TKTL1: variants seen among roughly 807,000 people sequenced by gnomAD.
TKTL1 encodes the protein transketolase-like protein 1.
Under a neutral mutation model 39.3 loss-of-function variants are expected in TKTL1, and 1 was observed. That is an observed-to-expected ratio of 0.03 (90% CI 0.01 to 0.12). The LOEUF (loss-of-function observed/expected upper bound fraction) is 0.12. Among genes scored for constraint, TKTL1 ranks in the 10% least tolerant of loss-of-function variants. The probability of loss-of-function intolerance (pLI) is 1.00; values close to 1 mark genes in which losing one functional copy is unlikely to be tolerated. For synonymous variants in TKTL1, 262 were observed against 193.8 expected (o/e 1.35, Z -2.92); for missense variants, 575 against 509.6 (o/e 1.13, Z -1.24).
At chrX:154,312,431 T>C in intron 5 of TKTL1, 149 bp from the exon 6 acceptor site, 1 of 520,540 alleles carries the variant, frequency 1.9e-6, no homozygotes, top group East Asian at 3.7e-5. Context: ...TCTCTCTGGC[T>C]GCAGCAGCGT....
rs2067504911 is a variant in TKTL1, at chrX:154,327,861, C to T, written c.1521C>T (p.Asp507=). ...CAGATATTTTTATCCGTGTCATCGA[C>T]CTGTTTACCATTAAACCTCTGGATG... The part of the protein sequence containing the change: ...SKQDIFIRVI[D]LFTIKPLDVA... Residue 507 remains aspartate (D), a synonymous_variant, in exon 12 of 13, where the codon GAC becomes GAT. Coordinates refer to ENST00000369915, the MANE Select transcript of TKTL1 (RefSeq NM_012253.4). The T allele has an allele frequency of 8.3e-7, 1 of 1,211,875 alleles. No homozygotes were observed. The highest frequency in any genetic ancestry group is 1.8e-5 in the South Asian group (1 of 56,992).
intron 1 of TKTL1, among the ~76,000 whole-genome samples, chrX:154,297,908 A>G (rs1557165011): frequency 8.9e-6 from 1 of 112,048 alleles, no homozygotes; most frequent in African/African-American, 3.2e-5. Context: ...TGTAGAGAAA[A>G]AAAAATTTTT....
chrX:154,300,274 A>G (rs1297564354), intron 1 of TKTL1, among the ~76,000 whole-genome samples: 1 of 112,337 alleles, frequency 8.9e-6, no homozygotes, highest in South Asian at 3.6e-4. Context: ...TGGCCTCCCA[A>G]AGTGCTGGGA....
At chrX:154,310,087 CT>C (rs782396662) in intron 3 of TKTL1, among the ~76,000 whole-genome samples, 28 of 111,755 alleles carry the variant, frequency 2.5e-4, no homozygotes, top group Admixed American at 1.7e-3. Flanking sequence ...GAGGAATTTA[CT>C]TCACAGCAGA....
chrX:154,327,527 T>G (rs1557172214), intron 10 of TKTL1, 64 bp from the exon 11 acceptor site: 1 of 1,000,523 alleles, frequency 1.0e-6, no homozygotes, highest in Non-Finnish European at 1.4e-6. Flanking sequence ...CAAAGTGCCT[T>G]CCACTTTGAC....
At chrX:154,302,130 A>G (rs782413987) in intron 1 of TKTL1, among the ~76,000 whole-genome samples, 9 of 110,375 alleles carry the variant, frequency 8.2e-5, no homozygotes, top group Non-Finnish European at 1.5e-4. Context: ...TCGGGTTCTC[A>G]ATCGCCCTGT....
chrX:154,322,520 G>C (rs1348013692), intron 8 of TKTL1, among the ~76,000 whole-genome samples: 1 of 111,240 alleles, frequency 9.0e-6, no homozygotes, highest in Non-Finnish European at 1.9e-5. Context: ...AACAGAGCGA[G>C]ACTCTGTCTC....
intron 11 of TKTL1, 54 bp from the exon 12 acceptor site, chrX:154,327,785 G>A: frequency 8.3e-7 from 1 of 1,207,968 alleles, no homozygotes; most frequent in Non-Finnish European, 1.1e-6. Context: ...TTTTATCCCT[G>A]CATGTTATTC....
In TKTL1 at chrX:154,320,857, G is replaced by C. The variant is rs201125069; in HGVS notation, c.1130G>C (p.Gly377Ala). The C allele has an allele frequency of 6.6e-6, 8 of 1,211,464 alleles. No individual in the cohort carries two copies. The highest frequency in any genetic ancestry group is 6.7e-6 in the Non-Finnish European group (6 of 895,258). The change falls in exon 8 of 13, where the codon GGA (glycine) becomes GCA (alanine). Residue 377 changes from glycine to alanine, a missense_variant. Gly to Ala is a moderately conservative substitution (Grantham distance 60). Coordinates refer to ENST00000369915, the MANE Select transcript of TKTL1 (RefSeq NM_012253.4). ...LTRAFDHIRIGGLAESNINII... is the reference protein window; with the variant it reads ...LTRAFDHIRIAGLAESNINII... The stretch of plus-strand genomic sequence containing the variant: ...CGAGCATTTGATCACATCCGGATAG[G>C]AGGCCTCGCTGAGAGCAACATCAAC...
At chrX:154,318,741 G>C (rs1285717655) in intron 7 of TKTL1, among the ~76,000 whole-genome samples, 1 of 102,057 alleles carries the variant, frequency 9.8e-6, no homozygotes, top group African/African-American at 3.6e-5. Flanking sequence ...TTCAAGACCA[G>C]CCTGAACAAC....
intron 6 of TKTL1, among the ~76,000 whole-genome samples, chrX:154,313,228 A>C (rs1256024319): frequency 8.9e-6 from 1 of 112,453 alleles, no homozygotes; most frequent in Non-Finnish European, 1.9e-5. Context: ...TGGTTTGTGC[A>C]TGAAACTGCC....
chrX:154,329,508 T>C lies in TKTL1; in HGVS notation c.1619-8T>C, dbSNP rs782122793. 28 of 1,208,581 alleles carry C rather than the reference T, an allele frequency of 2.3e-5. No homozygotes were observed. In the South Asian group the frequency reaches 4.2e-4, roughly 18 times the overall value. On this transcript the variant is annotated splice_polypyrimidine_tract_variant and splice_region_variant and intron_variant, in intron 12 of 12. Coordinates refer to ENST00000369915, the MANE Select transcript of TKTL1 (RefSeq NM_012253.4). ...TCACAAAAGGGCCTAACATCCTTGT[T>C]TCCCCAGGTGGCATCGGGGAAGCTG... is the stretch of plus-strand genomic sequence containing the variant.
At chrX:154,305,550 T>G in intron 2 of TKTL1, 129 bp downstream of exon 2, 1 of 862,369 alleles carries the variant, frequency 1.2e-6, no homozygotes, top group Non-Finnish European at 1.6e-6. Context: ...CTTTGCATCT[T>G]AAAGCTCGAG....
intron 1 of TKTL1, 63 bp downstream of exon 1, chrX:154,296,056 G>T: frequency 8.6e-7 from 1 of 1,164,350 alleles, no homozygotes; most frequent in Non-Finnish European, 1.2e-6. Flanking sequence ...TTCAGGCCTG[G>T]TGGCCATGAG....
At position 154,315,257 on chromosome X, in the gene TKTL1, A is replaced by C. The variant is rs2067389541; in HGVS notation, c.949A>C (p.Arg317=). ...NRVVVLDGDT[R]YSTFSEIFNK... ...AGTCGTTGTGCTGGATGGTGACACC[A>C]GGTACTCTACTTTCTCTGAGATATT... The change falls in exon 7 of 13, where the codon AGG becomes CGG. Residue 317 remains arginine, a synonymous_variant. Transcript: ENST00000369915. 8.3e-7 allele frequency: 1 copy of C among 1,209,128 alleles called. No homozygotes were observed. The highest frequency in any genetic ancestry group is 2.2e-5 in the Admixed American group (1 of 45,645).
intron 7 of TKTL1, 60 bp from the exon 8 acceptor site, chrX:154,320,697 G>A (rs2067442022): frequency 8.9e-7 from 1 of 1,126,461 alleles, no homozygotes; most frequent in Admixed American, 2.2e-5. Context: ...GGGACTGTGG[G>A]AGAAGGGGCG....
In TKTL1 at chrX:154,312,691, A is replaced by T; in HGVS notation, c.782A>T (p.Gln261Leu). 1 of 1,211,699 alleles carries T rather than the reference A, an allele frequency of 8.3e-7. No homozygotes were observed. Among genetic ancestry groups the T allele is most frequent in the Non-Finnish European group, 1.1e-6 (1 of 895,378 alleles). ...QIQTSRNLDP[Q>L]PPIEDSPEVN... Reference sequence around the variant, plus strand: ...CAGACCAGCAGGAATCTTGACCCACAGCCCCCCATTGAGGACTCACCTGAA... The same window carrying T: ...CAGACCAGCAGGAATCTTGACCCACTGCCCCCCATTGAGGACTCACCTGAA... The change falls in exon 6 of 13, where the codon CAG becomes CTG. Residue 261 changes from glutamine (Q) to leucine (L), a missense_variant. By Grantham distance (113) the Gln-to-Leu change is moderately radical (BLOSUM62 -2). Transcript: ENST00000369915.
At chrX:154,319,125 A>C (rs2067428796) in intron 7 of TKTL1, among the ~76,000 whole-genome samples, 1 of 111,913 alleles carries the variant, frequency 8.9e-6, no homozygotes, top group Non-Finnish European at 1.9e-5. Flanking sequence ...ATGTGCTATG[A>C]AACCTTACTT....
At chrX:154,322,078 A>G (rs1186109267) in intron 8 of TKTL1, among the ~76,000 whole-genome samples, 1 of 109,722 alleles carries the variant, frequency 9.1e-6, no homozygotes, top group African/African-American at 3.3e-5. Context: ...TACTGAAAAT[A>G]GAAAAATTAG....
Sources: allele counts gnomAD v4.1 joint callset (sites outside exome capture counted in the v4.1 genomes callset), GRCh38; gene constraint gnomAD v4.1.1; transcripts MANE v1.5; gene names NCBI Gene and HGNC (gene_info 2026-07-23, HGNC 2026-07-21).